Variants in TOM1 observed in about 807,000 individuals in gnomAD.
The protein encoded by TOM1 is target of Myb protein 1.
In TOM1, 38 loss-of-function variants were observed where a neutral mutation model predicts 61.3. The ratio of observed to expected loss-of-function variants is 0.62; its 90% CI spans 0.48 to 0.81. The LOEUF is 0.81. Ranked by LOEUF, TOM1 falls within the 40% of genes least tolerant of loss-of-function variation. The probability of loss-of-function intolerance (pLI) is 0.00; values close to 1 mark genes in which losing one functional copy is unlikely to be tolerated. For synonymous variants in TOM1, 270 were observed against 268.8 expected, an observed-to-expected ratio of 1.00 and a Z score of -0.04; for missense variants, 591 against 659.6, an observed-to-expected ratio of 0.90 and a Z score of 1.14.
At chr22:35,305,973 C>T (rs1926299941) in intron 1 of TOM1, among the ~76,000 whole-genome samples, 2 of 152,262 alleles carry the variant, frequency 1.3e-5, no homozygotes, top group Middle Eastern at 3.4e-3. Context: ...GCTTCGTGAA[C>T]CAGATGGTCT....
At chr22:35,346,212 G>T (rs1237323038) in intron 13 of TOM1, among the ~76,000 whole-genome samples, 1 of 152,224 alleles carries the variant, frequency 6.6e-6, no homozygotes, top group Non-Finnish European at 1.5e-5. Flanking sequence ...AAGCACCCAG[G>T]AGGAGGAGGG....
At position 35,319,078 on chromosome 22, in the gene TOM1, A is replaced by G. The variant is rs530496267; in HGVS notation, c.137+1117A>G. On this transcript the variant is annotated intron_variant, in intron 2 of 14. Coordinates refer to ENST00000449058, the MANE Select transcript of TOM1 (RefSeq NM_005488.3). ...CTCAGCCCTGCTCCCTGATCTTGCCAAGGACTCATGAGAGTGAGGGTGAGG... is the reference window on the plus strand; with the variant it reads ...CTCAGCCCTGCTCCCTGATCTTGCCGAGGACTCATGAGAGTGAGGGTGAGG... 2.4e-4 allele frequency among the ~76,000 whole-genome samples: 37 copies of G among 152,292 alleles called. No individual in the cohort carries two copies. The South Asian group carries it at 7.7e-3, about 32-fold the overall frequency.
chr22:35,342,581 C>A (rs1352121274), intron 12 of TOM1, among the ~76,000 whole-genome samples: 3 of 150,140 alleles, frequency 2.0e-5, no homozygotes, highest in African/African-American at 7.4e-5. Context: ...AGTTGAGAAG[C>A]TTTGTTTAGT....
chr22:35,337,765 C>A (rs537962495), intron 11 of TOM1, among the ~76,000 whole-genome samples: 9 of 152,346 alleles, frequency 5.9e-5, no homozygotes, highest in African/African-American at 1.9e-4. Context: ...GAATCGCAGG[C>A]CTTTCCCTTT....
intron 2 of TOM1, 38 bp from the exon 3 acceptor site, chr22:35,321,921 T>A: frequency 1.9e-6 from 3 of 1,575,310 alleles, no homozygotes; most frequent in Non-Finnish European, 2.6e-6. Flanking sequence ...GTAAGGGGGC[T>A]CTATTCCTAA....
chr22:35,332,289 AT>A (rs2145688065), intron 8 of TOM1, among the ~76,000 whole-genome samples: 1 of 152,266 alleles, frequency 6.6e-6, no homozygotes, highest in East Asian at 1.9e-4. Context: ...ACCCTCAGAT[AT>A]CCACAGTCAT....
intron 8 of TOM1, among the ~76,000 whole-genome samples, chr22:35,331,064 C>G (rs1928796248): frequency 6.7e-6 from 1 of 150,358 alleles, no homozygotes; most frequent in Admixed American, 6.6e-5. Flanking sequence ...TACATCAGCT[C>G]AAACACTTGT....
chr22:35,320,743 G>C (rs985836870), intron 2 of TOM1, among the ~76,000 whole-genome samples: 6 of 152,166 alleles, frequency 3.9e-5, no homozygotes, highest in African/African-American at 1.4e-4. Flanking sequence ...AAGGTGGGGA[G>C]GAGGCAGGGC....
chr22:35,303,131 A>AACACACACACACAC lies in TOM1; in HGVS notation c.52+3156_52+3169dup, dbSNP rs138739. On this transcript the variant is annotated intron_variant, in intron 1 of 14. Coordinates refer to ENST00000449058, the MANE Select transcript of TOM1 (RefSeq NM_005488.3). ...AAAGTTCTCATCCACCTCCCCTCCC[A>AACACACACACACAC]ACACACACACACACACACCCCTTTG... is the stretch of plus-strand genomic sequence containing the variant. Among the ~76,000 whole-genome samples, 327 of 149,276 alleles carry AACACACACACACAC rather than the reference A, an allele frequency of 2.2e-3. 1 individual carries two copies. The highest frequency in any genetic ancestry group is 6.4e-3 in the African/African-American group (261 of 40,722).
chr22:35,316,883 C>T (rs1216068616), intron 1 of TOM1, among the ~76,000 whole-genome samples: 1 of 152,134 alleles, frequency 6.6e-6, no homozygotes, highest in Non-Finnish European at 1.5e-5. Flanking sequence ...TGTGCTGGTA[C>T]CTTGCATGAA....
At position 35,300,101 on chromosome 22, in the gene TOM1, T is replaced by A. The variant is rs946399087; in HGVS notation, c.52+121T>A. On this transcript the variant is annotated intron_variant, in intron 1 of 14. Transcript: ENST00000449058. ...GAGGGCAAGGAGGCTGGCGTGTAGC[T>A]CTCCGACCTGGCTCCGCCCAGCTTT... 2.7e-5 allele frequency: 30 copies of A among 1,108,280 alleles called. 1 individual carries two copies. In the African/African-American group the frequency reaches 3.6e-4, roughly 13 times the overall value. The allele number at this position is 1,108,280 out of a possible 1,614,324, so 68.7% of individuals were successfully genotyped here. A position where few individuals can be genotyped will look rare whatever the true frequency, so the allele number is the denominator to read the frequency against.
At chr22:35,308,965 G>A (rs1403322479) in intron 1 of TOM1, among the ~76,000 whole-genome samples, 2 of 152,060 alleles carry the variant, frequency 1.3e-5, no homozygotes, top group African/African-American at 2.4e-5. Flanking sequence ...GGAGATGGAT[G>A]GAACTTTCCA....
At chr22:35,322,295 G>A in intron 3 of TOM1, 3 of 459,534 alleles carry the variant, frequency 6.5e-6, no homozygotes, top group Admixed American at 3.8e-5. Flanking sequence ...GAGAGCCTGG[G>A]CCAAAGGACC....
chr22:35,314,161 GACCTGGAGGA>G (rs541975235), intron 1 of TOM1, among the ~76,000 whole-genome samples: 1 of 152,320 alleles, frequency 6.6e-6, no homozygotes, highest in Non-Finnish European at 1.5e-5. Flanking sequence ...TCCACACCTG[GACCTGGAGGA>G]ACCTGGAGGA....
At chr22:35,318,341 C>A in intron 2 of TOM1, 1 of 228,488 alleles carries the variant, frequency 4.4e-6, no homozygotes, top group Non-Finnish European at 8.6e-6. Flanking sequence ...AGAGAGACTC[C>A]GGCTTTTCTG....
At chr22:35,335,704 G>A (rs9607265) in intron 11 of TOM1, 2,763 of 155,042 alleles carry the variant, frequency 0.018, 32 homozygotes, top group Non-Finnish European at 0.031. Flanking sequence ...AAGCACACAA[G>A]GAACTTGTCC....
chr22:35,338,765 G>T lies in TOM1; in HGVS notation c.1201G>T (p.Ala401Ser), dbSNP rs773071776. The T allele has an allele frequency of 1.9e-6, 3 of 1,601,252 alleles. No homozygotes were observed. The highest frequency in any genetic ancestry group is 1.1e-5 in the South Asian group (1 of 88,898). Residue 401 changes from alanine to serine, a missense_variant, in exon 12 of 15, where the codon GCC becomes TCC. Transcript: ENST00000449058. ...ATDGLAGALD[A>S]RQQSTGAIPV... Reference sequence around the variant, plus strand: ...AGACGGCCTGGCTGGAGCCCTGGACGCCCGGCAGCAGAGCACTGGCGCGGT... The same window carrying T: ...AGACGGCCTGGCTGGAGCCCTGGACTCCCGGCAGCAGAGCACTGGCGCGGT...
At position 35,300,089 on chromosome 22, in the gene TOM1, C is replaced by G. The variant is rs1002496788; in HGVS notation, c.52+109C>G. The stretch of plus-strand genomic sequence containing the variant: ...CACGGAGGCAGGGAGGGCAAGGAGG[C>G]TGGCGTGTAGCTCTCCGACCTGGCT... On this transcript the variant is annotated intron_variant, in intron 1 of 14. Coordinates refer to ENST00000449058, the MANE Select transcript of TOM1 (RefSeq NM_005488.3). The G allele has an allele frequency of 4.0e-6, 5 of 1,242,996 alleles. No homozygotes were observed. In the African/African-American group the frequency reaches 7.5e-5, roughly 19 times the overall value. The allele number at this position is 1,242,996 out of a possible 1,614,324, so 77.0% of individuals were successfully genotyped here. A position where few individuals can be genotyped will look rare whatever the true frequency, so the allele number is the denominator to read the frequency against.
At position 35,331,161 on chromosome 22, in the gene TOM1, T is replaced by C. The variant is rs367646858; in HGVS notation, c.899+681T>C. 3.7e-4 allele frequency: 128 copies of C among 348,550 alleles called. 1 individual carries two copies. In the East Asian group the frequency reaches 7.1e-3, roughly 19 times the overall value. 21.6% of individuals were successfully genotyped at this position (348,550 alleles called of 1,614,324 possible). ...CCCAGGCTGGAGTATAGTGGCATGATCACAGCTCACTGCAGCCTCAACCTC... is the reference window on the plus strand; with the variant it reads ...CCCAGGCTGGAGTATAGTGGCATGACCACAGCTCACTGCAGCCTCAACCTC... On this transcript the variant is annotated intron_variant, in intron 8 of 14. Transcript: ENST00000449058.
Sources: gnomAD v4.1 joint callset for allele counts (sites outside exome capture counted in the v4.1 genomes callset) on GRCh38, gnomAD v4.1.1 for gene constraint, MANE v1.5 for transcripts, NCBI Gene and HGNC (gene_info 2026-07-23, HGNC 2026-07-21) for gene names.